TSNARE1: variants seen among roughly 807,000 people sequenced by gnomAD.
TSNARE1 encodes t-SNARE domain containing 1, also known as t-SNARE domain-containing protein 1.
In TSNARE1, 49 loss-of-function variants were observed where a neutral mutation model predicts 62.0. The ratio of observed to expected loss-of-function variants is 0.79; its 90% CI spans 0.63 to 1.00. The LOEUF is 1.00. TSNARE1 is among the 50% of genes least tolerant of loss of function. TSNARE1 has a pLI of 0.00. For missense variants in TSNARE1, 755 were observed against 700.1 expected, an observed-to-expected ratio of 1.08 and a Z score of -0.88; for synonymous variants, 328 against 294.4, an observed-to-expected ratio of 1.11 and a Z score of -1.17.
At chr8:142,229,655 T>C in intron 12 of TSNARE1, 76 bp from the exon 13 acceptor site, 2 of 1,410,146 alleles carry the variant, frequency 1.4e-6, no homozygotes. Context: ...GGCTTGTGCA[T>C]ACTTTGGGCT....
At chr8:142,290,545 A>T (rs1469961233) in intron 10 of TSNARE1, among the ~76,000 whole-genome samples, 1 of 152,222 alleles carries the variant, frequency 6.6e-6, no homozygotes, top group African/African-American at 2.4e-5. Context: ...ACGAGAAGTC[A>T]AAACATCACT....
Position 142,294,252 on chromosome 8 carries a change from G to A in TSNARE1, c.1290+6234C>T, listed in dbSNP as rs145693044. Reference sequence around the variant, plus strand: ...CCCAGGGCCCCTGGGAGAATCGAAGGGCATGAGTTTGCAGGGACGAGGCAG... The same window carrying A: ...CCCAGGGCCCCTGGGAGAATCGAAGAGCATGAGTTTGCAGGGACGAGGCAG... On this transcript the variant is annotated intron_variant, in intron 10 of 13. Coordinates refer to ENST00000524325, the MANE Select transcript of TSNARE1 (RefSeq NM_145003.5). Among the ~76,000 whole-genome samples the A allele has an allele frequency of 5.5e-3, 844 of 152,182 alleles. 11 individuals carry two copies. Among genetic ancestry groups the A allele is most frequent in the African/African-American group, 0.019 (791 of 41,504 alleles).
At chr8:142,375,967 T>TC (rs1836303049) in intron 1 of TSNARE1, among the ~76,000 whole-genome samples, 1 of 152,096 alleles carries the variant, frequency 6.6e-6, no homozygotes, top group Admixed American at 6.5e-5. Context: ...TGGCTGCCCC[T>TC]CCAGGTCCAT....
At chr8:142,253,432 C>T (rs1348389857) in intron 12 of TSNARE1, among the ~76,000 whole-genome samples, 1 of 152,108 alleles carries the variant, frequency 6.6e-6, no homozygotes, top group Non-Finnish European at 1.5e-5. Flanking sequence ...AGTCACCACC[C>T]CCAGTGGCCA....
intron 1 of TSNARE1, among the ~76,000 whole-genome samples, chr8:142,391,051 C>T (rs1837481929): frequency 1.4e-5 from 2 of 145,336 alleles, no homozygotes; most frequent in Non-Finnish European, 1.5e-5. Context: ...GACTCTGTAA[C>T]AGACGCTGTA....
Position 142,344,332 on chromosome 8 carries a change from T to A in TSNARE1, c.379A>T (p.Asn127Tyr). The stretch of plus-strand genomic sequence containing the variant: ...ACCTCGGTCTCCTGCGGGCAGAAGT[T>A]GGGCTTCCTCTTCTTGGCCCGGGTA... ...STTRAKKRKPNFCPQETEVLV... is the reference protein window; with the variant it reads ...STTRAKKRKPYFCPQETEVLV... Residue 127 changes from asparagine (N) to tyrosine (Y), a missense_variant, in exon 4 of 14, where the codon AAC becomes TAC. Asn to Tyr is a moderately radical substitution (Grantham distance 143). Coordinates refer to ENST00000524325, the MANE Select transcript of TSNARE1 (RefSeq NM_145003.5). 6.3e-7 allele frequency: 1 copy of A among 1,584,904 alleles called. No individual in the cohort carries two copies. Among genetic ancestry groups the A allele is most frequent in the Non-Finnish European group, 8.6e-7 (1 of 1,163,228 alleles).
intron 12 of TSNARE1, among the ~76,000 whole-genome samples, chr8:142,239,071 G>T (rs1472734865): frequency 6.6e-6 from 1 of 152,192 alleles, no homozygotes; most frequent in African/African-American, 2.4e-5. Flanking sequence ...TGGGATGTGG[G>T]AGCCAGAGGG....
At chr8:142,290,432 T>C (rs1164414317) in intron 10 of TSNARE1, among the ~76,000 whole-genome samples, 1 of 152,116 alleles carries the variant, frequency 6.6e-6, no homozygotes, top group Non-Finnish European at 1.5e-5. Context: ...GCTCATGGAA[T>C]TTTCTTTCTC....
At chr8:142,242,737 G>C (rs1817720234) in intron 12 of TSNARE1, among the ~76,000 whole-genome samples, 1 of 152,214 alleles carries the variant, frequency 6.6e-6, no homozygotes, top group South Asian at 2.1e-4. Flanking sequence ...CAAGGCGGGT[G>C]GATCACCTGA....
At chr8:142,348,853 T>C (rs1833728206) in intron 2 of TSNARE1, among the ~76,000 whole-genome samples, 1 of 152,166 alleles carries the variant, frequency 6.6e-6, no homozygotes. Context: ...ACTCACTAGC[T>C]GGCTTTTTGC....
At chr8:142,262,150 G>A (rs992545858) in intron 12 of TSNARE1, among the ~76,000 whole-genome samples, 1 of 152,154 alleles carries the variant, frequency 6.6e-6, no homozygotes, top group East Asian at 1.9e-4. Flanking sequence ...TCTCTACCTC[G>A]TCCTTCTTCT....
At chr8:142,259,172 G>A (rs567192985) in intron 12 of TSNARE1, among the ~76,000 whole-genome samples, 2 of 152,370 alleles carry the variant, frequency 1.3e-5, no homozygotes, top group East Asian at 1.9e-4. Flanking sequence ...GTCTGAGGAC[G>A]GGGCCGAGGG....
intron 12 of TSNARE1, among the ~76,000 whole-genome samples, chr8:142,250,556 C>G (rs1818113141): frequency 6.6e-6 from 1 of 152,202 alleles, no homozygotes; most frequent in African/African-American, 2.4e-5. Context: ...ATCGCAGTAG[C>G]CTGCTGCCGC....
chr8:142,256,154 TCACCATCACCAC>T (rs1258332235), intron 12 of TSNARE1, among the ~76,000 whole-genome samples: 1 of 67,374 alleles, frequency 1.5e-5, no homozygotes, highest in African/African-American at 6.5e-5. Flanking sequence ...ACCACCACTG[TCACCATCACCAC>T]CACCATCACC....
At chr8:142,388,427 T>G (rs1398685302) in intron 1 of TSNARE1, among the ~76,000 whole-genome samples, 1 of 149,036 alleles carries the variant, frequency 6.7e-6, no homozygotes, top group Non-Finnish European at 1.5e-5. Flanking sequence ...AGTATAAAAT[T>G]GGAAAGGATA....
intron 9 of TSNARE1, among the ~76,000 whole-genome samples, chr8:142,312,927 G>A (rs1047999479): frequency 2.0e-5 from 3 of 152,218 alleles, no homozygotes; most frequent in Non-Finnish European, 4.4e-5. Flanking sequence ...GGGAATGCGT[G>A]CCTCTCTAGG....
intron 9 of TSNARE1, among the ~76,000 whole-genome samples, chr8:142,310,886 G>A (rs1009789901): frequency 7.4e-4 from 112 of 152,002 alleles, no homozygotes; most frequent in Middle Eastern, 3.4e-3. Flanking sequence ...GTTTTGCTCC[G>A]TCCCCCAGGC....
chr8:142,276,829 C>T lies in TSNARE1; in HGVS notation c.1364-1966G>A, dbSNP rs1016311405. On this transcript the variant is annotated intron_variant, in intron 11 of 13. Coordinates refer to ENST00000524325, the MANE Select transcript of TSNARE1 (RefSeq NM_145003.5). The stretch of plus-strand genomic sequence containing the variant: ...CACAGACCCAGGGCGGTCCCAGGGG[C>T]ATTCTTAGCCAGCATGGCACTGCCC... 4.1e-6 allele frequency: 4 copies of T among 985,298 alleles called. No individual in the cohort carries two copies. In the African/African-American group the frequency reaches 7.0e-5, roughly 17 times the overall value. The allele number at this position is 985,298 out of a possible 1,614,324, so 61.0% of individuals were successfully genotyped here.
At position 142,326,167 on chromosome 8, in the gene TSNARE1, G is replaced by A. The variant is rs1830211320; in HGVS notation, c.893+4734C>T. 6 of 177,074 alleles carry A rather than the reference G, an allele frequency of 3.4e-5. No homozygotes were observed. The South Asian group carries it at 5.4e-4, about 16-fold the overall frequency. The allele number at this position is 177,074 out of a possible 1,614,324, so 11.0% of individuals were successfully genotyped here. The stretch of plus-strand genomic sequence containing the variant: ...GGAACCAGCACCAGCTAAGGGGAGG[G>A]CCCCGGAGAGCACGAGACGGATGAG... On this transcript the variant is annotated intron_variant, in intron 6 of 13. Coordinates refer to ENST00000524325, the MANE Select transcript of TSNARE1 (RefSeq NM_145003.5).
Sources: allele counts gnomAD v4.1 joint callset (sites outside exome capture counted in the v4.1 genomes callset), GRCh38; gene constraint gnomAD v4.1.1; transcripts MANE v1.5; gene names NCBI Gene and HGNC (gene_info 2026-07-23, HGNC 2026-07-21).